The following RTN4IP1 variants were observed in gnomAD, a reference collection of about 807,000 sequenced individuals.
RTN4IP1 encodes reticulon 4 interacting protein 1, also known as NAD(P)H oxidoreductase RTN4IP1, mitochondrial.
Under a neutral mutation model 46.6 loss-of-function variants are expected in RTN4IP1, and 32 were observed. The observed-to-expected ratio is 0.69, with a 90% CI of 0.52 to 0.92. RTN4IP1 has a LOEUF of 0.92. RTN4IP1 is among the 40% of genes least tolerant of loss of function. The pLI is 0.00. For synonymous variants in RTN4IP1, 167 were observed against 161.8 expected (o/e 1.03, Z -0.24); for missense variants, 424 against 485.8 (o/e 0.87, Z 1.20).
Position 106,571,887 on chromosome 6 carries a change from T to G in RTN4IP1, c.*109A>C. 1.5e-6 allele frequency: 1 copy of G among 661,374 alleles called. No homozygotes were observed. The highest frequency in any genetic ancestry group is 2.7e-6 in the Non-Finnish European group (1 of 373,336). The allele number at this position is 661,374 out of a possible 1,614,324, so 41.0% of individuals were successfully genotyped here. On this transcript the variant is annotated 3_prime_UTR_variant, in exon 9 of 9. Coordinates refer to ENST00000369063, the MANE Select transcript of RTN4IP1 (RefSeq NM_032730.5). ...ATTTTTTAAAGCTTGTATCATGGAA[T>G]GTATAATCTAATCTGGAAAAATGTT...
chr6:106,597,657 T>C (rs1775830374), intron 5 of RTN4IP1, among the ~76,000 whole-genome samples: 1 of 152,028 alleles, frequency 6.6e-6, no homozygotes, highest in Admixed American at 6.6e-5. Context: ...TTTTTGTTTC[T>C]TTTGTAATTT....
At chr6:106,604,786 G>A (rs1776023041) in intron 4 of RTN4IP1, among the ~76,000 whole-genome samples, 1 of 152,098 alleles carries the variant, frequency 6.6e-6, no homozygotes, top group South Asian at 2.1e-4. Context: ...TCCACCCTAT[G>A]AAGAGGGTAT....
At chr6:106,627,696 T>C (rs67835742) in intron 1 of RTN4IP1, among the ~76,000 whole-genome samples, 32,260 of 139,050 alleles carry the variant, frequency 0.23, 3,656 homozygotes, top group East Asian at 0.28. Context: ...AAACAAAGAA[T>C]ACAAACGTAG....
intron 4 of RTN4IP1, among the ~76,000 whole-genome samples, chr6:106,609,849 G>C (rs1007734267): frequency 6.6e-6 from 1 of 152,210 alleles, no homozygotes; most frequent in African/African-American, 2.4e-5. Context: ...GGCTTAGCAA[G>C]AGTGGTTCTG....
intron 3 of RTN4IP1, 30 bp from the exon 4 acceptor site, chr6:106,619,356 G>C (rs767177846): frequency 6.2e-7 from 1 of 1,613,086 alleles, no homozygotes; most frequent in East Asian, 2.2e-5. Context: ...TCAAAAATAA[G>C]CAATGACTTG....
At chr6:106,582,228 C>T (rs890550362) in intron 8 of RTN4IP1, among the ~76,000 whole-genome samples, 5 of 152,260 alleles carry the variant, frequency 3.3e-5, no homozygotes, top group South Asian at 2.1e-4. Context: ...TTTCCAAAAT[C>T]GAAACGGAAA....
chr6:106,618,294 G>T (rs569247235), intron 4 of RTN4IP1, among the ~76,000 whole-genome samples: 1 of 151,564 alleles, frequency 6.6e-6, no homozygotes, highest in Admixed American at 6.6e-5. Context: ...AAAAAAACTA[G>T]GTTATTTTAA....
rs748659588 is a variant in RTN4IP1 at position 106,592,220 on chromosome 6, G to A, written c.750C>T (p.Asp250=). The A allele has an allele frequency of 2.5e-5, 40 of 1,613,664 alleles. No individual in the cohort carries two copies. Among genetic ancestry groups the A allele is most frequent in the Non-Finnish European group, 3.1e-5 (37 of 1,179,900 alleles). ...ASELVRKLGA[D]DVIDYKSGSV... ...TTCCAGATTTGTAATCAATTACATC[G>A]TCTGCACCAAGCTTCCTTACAAGTT... The change falls in exon 6 of 9, where the codon GAC becomes GAT. Residue 250 remains aspartate, a synonymous_variant. Coordinates refer to ENST00000369063, the MANE Select transcript of RTN4IP1 (RefSeq NM_032730.5).
At chr6:106,628,297 C>G (rs1045684663) in intron 1 of RTN4IP1, among the ~76,000 whole-genome samples, 1 of 151,772 alleles carries the variant, frequency 6.6e-6, no homozygotes, top group East Asian at 2.0e-4. Context: ...GAAACCCCAT[C>G]TCTACTAAAA....
rs758636521 is a variant in RTN4IP1 at position 106,592,147 on chromosome 6, A to G, written c.806+17T>C. On this transcript the variant is annotated intron_variant, in intron 6 of 8. Coordinates refer to ENST00000369063, the MANE Select transcript of RTN4IP1 (RefSeq NM_032730.5). ...CCTTGTTCCCACTCCCAGTGTGAAC[A>G]TTGTTCTAATACATACGGTTTTAAG... is the stretch of plus-strand genomic sequence containing the variant. 2.5e-6 allele frequency: 4 copies of G among 1,610,612 alleles called. No individual in the cohort carries two copies. The highest frequency in any genetic ancestry group is 3.4e-6 in the Non-Finnish European group (4 of 1,178,130).
chr6:106,617,215 T>C (rs1035075531), intron 4 of RTN4IP1, among the ~76,000 whole-genome samples: 3 of 152,216 alleles, frequency 2.0e-5, no homozygotes, highest in Non-Finnish European at 4.4e-5. Flanking sequence ...TTTGTGATAA[T>C]AGCCTGAACA....
At position 106,621,452 on chromosome 6, in the gene RTN4IP1, T is replaced by A; in HGVS notation, c.468A>T (p.Ser156=). ...CATTCCCACTGACTACAACAAACTC[T>A]GAAAGAGTGCCTTGTTTCCAAGGAG... The part of the protein sequence containing the change: ...AVPPWKQGTL[S]EFVVVSGNEV... The change falls in exon 3 of 9, where the codon TCA becomes TCT. Residue 156 remains serine, a synonymous_variant. Coordinates refer to ENST00000369063, the MANE Select transcript of RTN4IP1 (RefSeq NM_032730.5). 6.2e-7 allele frequency: 1 copy of A among 1,614,032 alleles called. No homozygotes were observed. The highest frequency in any genetic ancestry group is 8.5e-7 in the Non-Finnish European group (1 of 1,179,936).
chr6:106,616,456 G>A (rs1203077946), intron 4 of RTN4IP1, among the ~76,000 whole-genome samples: 4 of 151,836 alleles, frequency 2.6e-5, no homozygotes, highest in African/African-American at 9.7e-5. Flanking sequence ...AGGTGTTTTT[G>A]TCATTGTTAA....
At chr6:106,617,829 G>A (rs1446511415) in intron 4 of RTN4IP1, among the ~76,000 whole-genome samples, 1 of 152,146 alleles carries the variant, frequency 6.6e-6, no homozygotes, top group Admixed American at 6.5e-5. Context: ...TGCAGGCATA[G>A]AAAACATAAT....
At chr6:106,614,952 A>T (rs6924412) in intron 4 of RTN4IP1, among the ~76,000 whole-genome samples, 3 of 139,662 alleles carry the variant, frequency 2.1e-5, no homozygotes, top group South Asian at 2.5e-4. Context: ...AAGTGCCCAC[A>T]GCCCCCACCC....
In RTN4IP1 at chr6:106,580,337, A is replaced by G. The variant is rs149189276; in HGVS notation, c.1083+2991T>C. Among the ~76,000 whole-genome samples, 24 of 152,266 alleles carry G rather than the reference A, an allele frequency of 1.6e-4. No homozygotes were observed. In the East Asian group the frequency reaches 4.6e-3, roughly 29 times the overall value. ...TCAGAGGGTAAGATAATGGGTAAGTAAAGAGAGAAGGGGCCTAGAAGGTAG... is the reference window on the plus strand; with the variant it reads ...TCAGAGGGTAAGATAATGGGTAAGTGAAGAGAGAAGGGGCCTAGAAGGTAG... On this transcript the variant is annotated intron_variant, in intron 8 of 8. Transcript: ENST00000369063.
intron 5 of RTN4IP1, among the ~76,000 whole-genome samples, chr6:106,601,655 G>A (rs1775953145): frequency 6.6e-6 from 1 of 152,084 alleles, no homozygotes; most frequent in Non-Finnish European, 1.5e-5. Context: ...TCATCACCCA[G>A]GCTGGAGTGC....
chr6:106,597,945 G>A (rs999701545), intron 5 of RTN4IP1, among the ~76,000 whole-genome samples: 6 of 151,990 alleles, frequency 3.9e-5, no homozygotes, highest in South Asian at 2.1e-4. Flanking sequence ...AATATGCGGT[G>A]TTTGGTTTTC....
chr6:106,621,208 C>T (rs549163561), intron 3 of RTN4IP1, among the ~76,000 whole-genome samples: 1 of 152,266 alleles, frequency 6.6e-6, no homozygotes, highest in East Asian at 1.9e-4. Context: ...ATTCCAAATC[C>T]CTGCTCTATG....
Sources: gnomAD v4.1 joint callset for allele counts (sites outside exome capture counted in the v4.1 genomes callset) on GRCh38, gnomAD v4.1.1 for gene constraint, MANE v1.5 for transcripts, NCBI Gene and HGNC (gene_info 2026-07-23, HGNC 2026-07-21) for gene names.